The following SEMA6D variants were observed in gnomAD, a reference collection of about 807,000 sequenced individuals.
The protein encoded by SEMA6D is semaphorin 6D.
In SEMA6D, 35 loss-of-function variants were observed where a neutral mutation model predicts 106.6. The ratio of observed to expected loss-of-function variants is 0.33; its 90% CI spans 0.25 to 0.44. The LOEUF (loss-of-function observed/expected upper bound fraction) is 0.44, where lower values mean the gene tolerates loss of function less well. SEMA6D is among the 20% of genes least tolerant of loss of function. The pLI is 1.00. For missense variants in SEMA6D, 1,185 were observed against 1,345.9 expected (o/e 0.88, Z 1.87); for synonymous variants, 499 against 487.7 (o/e 1.02, Z -0.31).
intron 1 of SEMA6D, among the ~76,000 whole-genome samples, chr15:47,371,594 G>C (rs1027201917): frequency 6.6e-6 from 1 of 152,120 alleles, no homozygotes; most frequent in African/African-American, 2.4e-5. Context: ...GTACCCTTCA[G>C]TGCTATCACA....
At chr15:47,349,426 A>T (rs1236880127) in intron 1 of SEMA6D, among the ~76,000 whole-genome samples, 2 of 152,162 alleles carry the variant, frequency 1.3e-5, no homozygotes, top group African/African-American at 4.8e-5. Context: ...CAGAGAAGAG[A>T]CATTCGCAGA....
chr15:47,295,840 C>G (rs2035782479), intron 1 of SEMA6D, among the ~76,000 whole-genome samples: 1 of 152,158 alleles, frequency 6.6e-6, no homozygotes, highest in South Asian at 2.1e-4. Flanking sequence ...CTGAATTTAG[C>G]TAAGAGATTT....
chr15:47,597,378 G>A (rs2076558388), intron 3 of SEMA6D, among the ~76,000 whole-genome samples: 1 of 151,908 alleles, frequency 6.6e-6, no homozygotes, highest in Admixed American at 6.6e-5. Flanking sequence ...AGGTAGTCTA[G>A]GACTTAAAAT....
chr15:47,637,829 C>T (rs184624009), intron 4 of SEMA6D, among the ~76,000 whole-genome samples: 43 of 152,308 alleles, frequency 2.8e-4, no homozygotes, highest in Admixed American at 2.5e-3. Flanking sequence ...CTTGGCAGTC[C>T]TCATTGGTGC....
intron 4 of SEMA6D, among the ~76,000 whole-genome samples, chr15:47,666,797 A>C (rs1021642304): frequency 2.0e-5 from 3 of 152,164 alleles, no homozygotes; most frequent in African/African-American, 7.2e-5. Context: ...CTCAATGTAA[A>C]TGTATTTTAA....
intron 1 of SEMA6D, among the ~76,000 whole-genome samples, chr15:47,282,225 C>A (rs910264724): frequency 9.2e-5 from 14 of 152,088 alleles, no homozygotes; most frequent in African/African-American, 3.1e-4. Context: ...TGATCCCTAC[C>A]CTATCCCCAC....
At chr15:47,600,134 G>A (rs908615734) in intron 3 of SEMA6D, among the ~76,000 whole-genome samples, 1 of 152,212 alleles carries the variant, frequency 6.6e-6, no homozygotes, top group Admixed American at 6.5e-5. Context: ...TAGAATAAAT[G>A]CTTTTGCAAA....
At chr15:47,350,778 G>A (rs930855950) in intron 1 of SEMA6D, among the ~76,000 whole-genome samples, 2 of 152,188 alleles carry the variant, frequency 1.3e-5, no homozygotes, top group African/African-American at 4.8e-5. Flanking sequence ...CAAATTGTTT[G>A]AACGTTAGTG....
At chr15:47,616,122 T>C (rs992658410) in intron 4 of SEMA6D, among the ~76,000 whole-genome samples, 1 of 152,174 alleles carries the variant, frequency 6.6e-6, no homozygotes, top group African/African-American at 2.4e-5. Context: ...TCACCCTCTT[T>C]CATTTGTTAT....
chr15:47,282,443 C>G (rs1478397145), intron 1 of SEMA6D, among the ~76,000 whole-genome samples: 2 of 152,060 alleles, frequency 1.3e-5, no homozygotes, highest in East Asian at 1.9e-4. Flanking sequence ...TATTTTAACA[C>G]AAGTTATTTA....
chr15:47,586,883 G>T (rs1596371653), intron 3 of SEMA6D, among the ~76,000 whole-genome samples: 2 of 120,938 alleles, frequency 1.7e-5, no homozygotes, highest in African/African-American at 3.0e-5. Flanking sequence ...AATGAAATTT[G>T]ACAGGTTTTT....
chr15:47,260,755 G>T (rs1389591875), intron 1 of SEMA6D, among the ~76,000 whole-genome samples: 1 of 152,018 alleles, frequency 6.6e-6, no homozygotes, highest in African/African-American at 2.4e-5. Flanking sequence ...TGGAATGGGG[G>T]AATTTAAAAC....
intron 3 of SEMA6D, among the ~76,000 whole-genome samples, chr15:47,582,649 C>T (rs978913403): frequency 2.0e-5 from 3 of 152,150 alleles, no homozygotes; most frequent in African/African-American, 7.2e-5. Flanking sequence ...TGCCTGCAGC[C>T]CTCCATGTCT....
At chr15:47,456,863 G>A (rs2042360056) in intron 2 of SEMA6D, among the ~76,000 whole-genome samples, 1 of 151,944 alleles carries the variant, frequency 6.6e-6, no homozygotes, top group South Asian at 2.1e-4. Context: ...GTAAGACAGA[G>A]TACTGAAAAG....
intron 1 of SEMA6D, among the ~76,000 whole-genome samples, chr15:47,275,505 CATT>C (rs980153397): frequency 3.3e-5 from 5 of 151,944 alleles, no homozygotes; most frequent in South Asian, 2.1e-4. Context: ...TATTCTTTTT[CATT>C]ATTATTATAT....
chr15:47,430,893 GAAGCCCAGGT>G (rs1468385267), intron 2 of SEMA6D, among the ~76,000 whole-genome samples: 2 of 152,080 alleles, frequency 1.3e-5, no homozygotes, highest in East Asian at 3.9e-4. Flanking sequence ...TCTCATCTGG[GAAGCCCAGGT>G]AAGCCCAGCA....
chr15:47,319,905 T>C (rs1174731977), intron 1 of SEMA6D, among the ~76,000 whole-genome samples: 3 of 152,084 alleles, frequency 2.0e-5, no homozygotes, highest in Non-Finnish European at 4.4e-5. Flanking sequence ...CTTTTGGCAA[T>C]TCATCAATTA....
intron 1 of SEMA6D, among the ~76,000 whole-genome samples, chr15:47,299,190 C>T (rs2035923973): frequency 6.6e-6 from 1 of 152,180 alleles, no homozygotes; most frequent in Admixed American, 6.5e-5. Flanking sequence ...ATAAATGAAT[C>T]AGCTGGTCCT....
chr15:47,347,454 C>T (rs1386658413), intron 1 of SEMA6D, among the ~76,000 whole-genome samples: 1 of 152,218 alleles, frequency 6.6e-6, no homozygotes, highest in East Asian at 1.9e-4. Flanking sequence ...TTTCAGACTG[C>T]AGCACTTGTT....
Sources: allele counts gnomAD v4.1 joint callset (sites outside exome capture counted in the v4.1 genomes callset), GRCh38; gene constraint gnomAD v4.1.1; transcripts MANE v1.5; gene names NCBI Gene and HGNC (gene_info 2026-07-23, HGNC 2026-07-21).